Variants in RABGAP1L observed in about 807,000 individuals in gnomAD.
RABGAP1L encodes RAB GTPase activating protein 1 like.
RABGAP1L carries 63 observed loss-of-function variants against 137.7 expected under a neutral mutation model. The ratio of observed to expected loss-of-function variants is 0.46; its 90% CI spans 0.37 to 0.56. The LOEUF (loss-of-function observed/expected upper bound fraction) is 0.56. Ranked by LOEUF, RABGAP1L falls within the 20% of genes least tolerant of loss-of-function variation. The pLI is 0.00. For synonymous variants in RABGAP1L, 431 were observed against 433.7 expected, an observed-to-expected ratio of 0.99 and a Z score of 0.08; for missense variants, 1,095 against 1,244.0, an observed-to-expected ratio of 0.88 and a Z score of 1.80.
At chr1:174,308,394 A>G (rs1322176226) in intron 11 of RABGAP1L, among the ~76,000 whole-genome samples, 2 of 151,878 alleles carry the variant, frequency 1.3e-5, no homozygotes, top group Non-Finnish European at 2.9e-5. Flanking sequence ...ATGTAATCCC[A>G]TTTATCTATT....
intron 13 of RABGAP1L, among the ~76,000 whole-genome samples, chr1:174,539,474 G>T (rs899148380): frequency 8.6e-5 from 13 of 152,040 alleles, no homozygotes; most frequent in African/African-American, 2.7e-4. Context: ...CCTGGTGTGT[G>T]ATGTTCCCCA....
At chr1:174,557,543 T>C (rs1322451495) in intron 13 of RABGAP1L, among the ~76,000 whole-genome samples, 1 of 152,202 alleles carries the variant, frequency 6.6e-6, no homozygotes, top group Non-Finnish European at 1.5e-5. Context: ...TAGCACCCCA[T>C]TGAATATTTC....
chr1:174,534,398 A>G (rs899917845), intron 13 of RABGAP1L, among the ~76,000 whole-genome samples: 1 of 151,990 alleles, frequency 6.6e-6, no homozygotes, highest in African/African-American at 2.4e-5. Flanking sequence ...TCCTGTATAC[A>G]TTTTCCTATA....
At chr1:174,227,653 C>T (rs1027627934) in intron 3 of RABGAP1L, among the ~76,000 whole-genome samples, 1 of 152,082 alleles carries the variant, frequency 6.6e-6, no homozygotes, top group African/African-American at 2.4e-5. Context: ...ATTATTGGCA[C>T]ATTAGCTATA....
chr1:174,639,885 A>G (rs964095193), intron 14 of RABGAP1L, among the ~76,000 whole-genome samples: 3 of 152,186 alleles, frequency 2.0e-5, no homozygotes, highest in African/African-American at 7.2e-5. Flanking sequence ...CCCAGAGCTC[A>G]TGTGGCCATT....
chr1:174,230,758 T>G (rs2148505015), intron 3 of RABGAP1L, among the ~76,000 whole-genome samples: 1 of 152,320 alleles, frequency 6.6e-6, no homozygotes, highest in African/African-American at 2.4e-5. Flanking sequence ...GTTCCCAAGC[T>G]TATCTTTTGC....
intron 12 of RABGAP1L, among the ~76,000 whole-genome samples, chr1:174,388,034 C>T (rs10912775): frequency 0.29 from 44,467 of 151,774 alleles, 7,284 homozygotes; most frequent in African/African-American, 0.43. Flanking sequence ...TTGAAACATT[C>T]GATTTAGAAA....
chr1:174,341,034 T>C (rs1346402892), intron 11 of RABGAP1L, among the ~76,000 whole-genome samples: 4 of 152,188 alleles, frequency 2.6e-5, no homozygotes, highest in Non-Finnish European at 5.9e-5. Flanking sequence ...ATTTTTTTTT[T>C]CATGTTAGTT....
intron 19 of RABGAP1L, among the ~76,000 whole-genome samples, chr1:174,930,805 TTAAG>T (rs1484140147): frequency 6.6e-6 from 1 of 152,182 alleles, no homozygotes; most frequent in African/African-American, 2.4e-5. Context: ...TCATAAATAT[TTAAG>T]TATATATCTT....
rs118176005 is a variant in RABGAP1L at position 174,205,210 on chromosome 1, T to C, written c.-33-13915T>C. 8.1e-4 allele frequency among the ~76,000 whole-genome samples: 124 copies of C among 152,310 alleles called. 1 individual carries two copies. The East Asian group carries it at 0.022, about 27-fold the overall frequency. On this transcript the variant is annotated intron_variant, in intron 1 of 25. Transcript: ENST00000681986. The stretch of plus-strand genomic sequence containing the variant: ...TTGCCGGATTCGGTTTTCAAGTATT[T>C]TGTTGAGGATTTTTGCGTTGATGTT...
chr1:174,336,870 TGTGTGTGTGTGTGTGA>T (rs1681520083), intron 11 of RABGAP1L, among the ~76,000 whole-genome samples: 1 of 142,088 alleles, frequency 7.0e-6, no homozygotes, highest in Non-Finnish European at 1.5e-5. Context: ...TGTGTGTGTG[TGTGTGTGTGTGTGTGA>T]GAGAGAGAGA....
intron 4 of RABGAP1L, among the ~76,000 whole-genome samples, chr1:174,234,494 GT>G (rs1240072265): frequency 1.4e-5 from 2 of 146,556 alleles, no homozygotes; most frequent in East Asian, 3.9e-4. Flanking sequence ...TGGCTATCCA[GT>G]TTTCCCAGCA....
intron 10 of RABGAP1L, among the ~76,000 whole-genome samples, chr1:174,304,678 A>G (rs1269706097): frequency 1.3e-5 from 2 of 152,170 alleles, no homozygotes; most frequent in African/African-American, 2.4e-5. Context: ...GTCTAGCATC[A>G]CTTGCTTATC....
chr1:174,543,013 A>C (rs1665617860), intron 13 of RABGAP1L, among the ~76,000 whole-genome samples: 1 of 152,186 alleles, frequency 6.6e-6, no homozygotes, highest in Non-Finnish European at 1.5e-5. Flanking sequence ...TTTGCTTCCA[A>C]CTATGTGGTC....
intron 13 of RABGAP1L, among the ~76,000 whole-genome samples, chr1:174,566,394 G>T (rs1165206998): frequency 1.3e-5 from 2 of 152,094 alleles, no homozygotes; most frequent in Non-Finnish European, 2.9e-5. Flanking sequence ...AGAACTTCTG[G>T]TGGTAATTGT....
chr1:174,746,468 C>CT (rs975807085), intron 17 of RABGAP1L, among the ~76,000 whole-genome samples: 1 of 152,108 alleles, frequency 6.6e-6, no homozygotes, highest in African/African-American at 2.4e-5. Flanking sequence ...CAGTCAGCTA[C>CT]TTTTTTTGAG....
chr1:174,402,663 TG>T (rs1360401482), intron 13 of RABGAP1L, among the ~76,000 whole-genome samples: 2 of 152,226 alleles, frequency 1.3e-5, no homozygotes, highest in Admixed American at 6.5e-5. Context: ...TGTTTATCAT[TG>T]AGATGTTTTT....
At chr1:174,275,798 T>G in intron 8 of RABGAP1L, 35 bp from the exon 9 acceptor site, 1 of 1,479,938 alleles carries the variant, frequency 6.8e-7, no homozygotes, top group Non-Finnish European at 9.3e-7. Flanking sequence ...TTTTTTGATG[T>G]CTTTTATCAG....
intron 13 of RABGAP1L, among the ~76,000 whole-genome samples, chr1:174,458,379 G>A (rs1219124068): frequency 6.6e-6 from 1 of 151,612 alleles, no homozygotes; most frequent in Non-Finnish European, 1.5e-5. Flanking sequence ...CTGATGCCTG[G>A]TATGAGACAT....
Sources: gnomAD v4.1 joint callset for allele counts (sites outside exome capture counted in the v4.1 genomes callset) on GRCh38, gnomAD v4.1.1 for gene constraint, MANE v1.5 for transcripts, NCBI Gene and HGNC (gene_info 2026-07-23, HGNC 2026-07-21) for gene names.